Variants in PTPRD observed in about 807,000 individuals in gnomAD.
PTPRD encodes the protein receptor-type tyrosine-protein phosphatase delta.
A neutral mutation model predicts 214.5 loss-of-function variants in PTPRD; 34 were observed. The observed-to-expected ratio is 0.16, with a 90% CI of 0.12 to 0.21. The LOEUF (loss-of-function observed/expected upper bound fraction) is 0.21. PTPRD is among the 10% of genes least tolerant of loss of function. The pLI, the probability that PTPRD is intolerant of heterozygous loss-of-function variation, is 1.00. For synonymous variants in PTPRD, 1,128 were observed against 845.7 expected (o/e 1.33, Z -5.79); for missense variants, 2,545 against 2,398.7 (o/e 1.06, Z -1.27).
At chr9:10,244,104 T>TA (rs71321237) in intron 3 of PTPRD, among the ~76,000 whole-genome samples, 1 of 33,400 alleles carries the variant, frequency 3.0e-5, no homozygotes, top group Non-Finnish European at 1.2e-4. Context: ...TACTAATCAC[T>TA]TTTTTTTTCA....
chr9:10,108,802 T>C (rs1432219675), intron 3 of PTPRD, among the ~76,000 whole-genome samples: 1 of 151,842 alleles, frequency 6.6e-6, no homozygotes, highest in Admixed American at 6.6e-5. Flanking sequence ...GGAAAGCCTG[T>C]CCTGTATAAG....
intron 11 of PTPRD, among the ~76,000 whole-genome samples, chr9:8,848,194 AC>A (rs2097737596): frequency 6.6e-6 from 1 of 151,810 alleles, no homozygotes; most frequent in Non-Finnish European, 1.5e-5. Flanking sequence ...TCGAATCAAA[AC>A]CCCTTTGGTA....
chr9:10,096,658 G>A (rs1247816537), intron 3 of PTPRD, among the ~76,000 whole-genome samples: 2 of 151,934 alleles, frequency 1.3e-5, no homozygotes, highest in Non-Finnish European at 2.9e-5. Flanking sequence ...CAGATGAGTA[G>A]GTTGCAAAAA....
chr9:10,589,421 G>A (rs1283793995), intron 2 of PTPRD, among the ~76,000 whole-genome samples: 4 of 152,046 alleles, frequency 2.6e-5, no homozygotes, highest in African/African-American at 7.2e-5. Context: ...TCACACATTT[G>A]AGTCCTGTGA....
Position 8,891,291 on chromosome 9 carries a change from G to A in PTPRD, c.-104+127406C>T, listed in dbSNP as rs553952840. ...TGGGACTACAGGCACCCGCCACCACGCCTGGCTAATTTTTGTATTTTTAGT... is the reference window on the plus strand; with the variant it reads ...TGGGACTACAGGCACCCGCCACCACACCTGGCTAATTTTTGTATTTTTAGT... On this transcript the variant is annotated intron_variant, in intron 11 of 45. Coordinates refer to ENST00000381196, the MANE Select transcript of PTPRD (RefSeq NM_002839.4). 1.3e-3 allele frequency among the ~76,000 whole-genome samples: 200 copies of A among 151,746 alleles called. 2 individuals are homozygous for A. Among genetic ancestry groups the A allele is most frequent in the South Asian group, 5.4e-3 (26 of 4,810 alleles).
chr9:9,880,269 G>A (rs1335646629), intron 5 of PTPRD, among the ~76,000 whole-genome samples: 1 of 152,146 alleles, frequency 6.6e-6, no homozygotes, highest in Non-Finnish European at 1.5e-5. Context: ...GTGGAACTGT[G>A]AGTCAATTAA....
intron 14 of PTPRD, among the ~76,000 whole-genome samples, chr9:8,545,317 G>A (rs541779243): frequency 5.3e-5 from 8 of 152,098 alleles, no homozygotes; most frequent in Middle Eastern, 3.4e-3. Context: ...TCAGTTTTTC[G>A]TGATTCCAAA....
intron 2 of PTPRD, among the ~76,000 whole-genome samples, chr9:10,529,979 G>C (rs2055680600): frequency 6.6e-6 from 1 of 151,560 alleles, no homozygotes; most frequent in African/African-American, 2.4e-5. Flanking sequence ...CTAGACGACA[G>C]GTTGTTAGGG....
intron 3 of PTPRD, among the ~76,000 whole-genome samples, chr9:10,125,717 C>T (rs932638409): frequency 4.0e-5 from 6 of 151,408 alleles, no homozygotes; most frequent in Non-Finnish European, 7.4e-5. Flanking sequence ...CTCCTTTCCT[C>T]GGGATCCGCT....
intron 2 of PTPRD, among the ~76,000 whole-genome samples, chr9:10,368,777 A>C (rs2097559898): frequency 6.6e-6 from 1 of 152,128 alleles, no homozygotes; most frequent in South Asian, 2.1e-4. Flanking sequence ...AATTAGACCT[A>C]TTTTGGAATG....
intron 9 of PTPRD, among the ~76,000 whole-genome samples, chr9:9,290,445 AC>A (rs1950794872): frequency 6.6e-6 from 1 of 151,590 alleles, no homozygotes; most frequent in Non-Finnish European, 1.5e-5. Context: ...TACTATGCAG[AC>A]ATTCTCTAGT....
At chr9:9,582,164 T>G (rs2090969450) in intron 7 of PTPRD, among the ~76,000 whole-genome samples, 1 of 152,142 alleles carries the variant, frequency 6.6e-6, no homozygotes, top group African/African-American at 2.4e-5. Context: ...CTTTACTTAT[T>G]TTTTGCTAGG....
At chr9:10,424,757 T>C (rs1487036511) in intron 2 of PTPRD, among the ~76,000 whole-genome samples, 2 of 151,996 alleles carry the variant, frequency 1.3e-5, no homozygotes, top group Non-Finnish European at 2.9e-5. Flanking sequence ...TTCACTGCTA[T>C]ACTTCCCTTT....
chr9:9,907,415 T>C (rs578121770), intron 5 of PTPRD, among the ~76,000 whole-genome samples: 1 of 152,016 alleles, frequency 6.6e-6, no homozygotes, highest in Non-Finnish European at 1.5e-5. Context: ...CAAGATCAAG[T>C]TGTTGGTAGG....
At chr9:9,224,426 G>C (rs1197233363) in intron 9 of PTPRD, among the ~76,000 whole-genome samples, 1 of 151,878 alleles carries the variant, frequency 6.6e-6, no homozygotes, top group Non-Finnish European at 1.5e-5. Flanking sequence ...TTCTTTCTAA[G>C]ACTGCCTCTG....
At chr9:9,916,574 A>G (rs1487684919) in intron 5 of PTPRD, among the ~76,000 whole-genome samples, 2 of 151,908 alleles carry the variant, frequency 1.3e-5, no homozygotes, top group African/African-American at 4.8e-5. Flanking sequence ...TGTTGCCTAC[A>G]AGAACCTCAT....
chr9:9,496,139 A>G (rs974025702), intron 8 of PTPRD, among the ~76,000 whole-genome samples: 2 of 152,176 alleles, frequency 1.3e-5, no homozygotes, highest in African/African-American at 2.4e-5. Context: ...ATGTGTCACA[A>G]CTTTTGATTT....
chr9:10,530,868 G>A (rs2134664965), intron 2 of PTPRD, among the ~76,000 whole-genome samples: 1 of 152,174 alleles, frequency 6.6e-6, no homozygotes, highest in South Asian at 2.1e-4. Context: ...ACTGCTAAAT[G>A]TAGAAGATAT....
chr9:9,414,131 T>C (rs2076317795), intron 8 of PTPRD, among the ~76,000 whole-genome samples: 1 of 152,252 alleles, frequency 6.6e-6, no homozygotes. Context: ...ATCCAAACTC[T>C]TCAATTATCT....
Sources: gnomAD v4.1 joint callset for allele counts (sites outside exome capture counted in the v4.1 genomes callset) on GRCh38, gnomAD v4.1.1 for gene constraint, MANE v1.5 for transcripts, NCBI Gene and HGNC (gene_info 2026-07-23, HGNC 2026-07-21) for gene names.